ZNF804A: variants seen among roughly 807,000 people sequenced by gnomAD.
ZNF804A encodes the protein zinc finger protein 804A.
In ZNF804A, 2 loss-of-function variants were observed where a neutral mutation model predicts 16.5. That is an observed-to-expected ratio of 0.12 (90% confidence interval 0.05 to 0.38). The LOEUF (loss-of-function observed/expected upper bound fraction) is 0.38. Ranked by LOEUF, ZNF804A falls within the 10% of genes least tolerant of loss-of-function variation. The pLI is 0.99. For missense variants in ZNF804A, 1,473 were observed against 1,390.7 expected (o/e 1.06, Z -0.94); for synonymous variants, 534 against 489.6 (o/e 1.09, Z -1.20).
intron 2 of ZNF804A, 38 bp downstream of exon 2, chr2:184,866,550 A>G (rs765351472): frequency 1.4e-5 from 22 of 1,573,746 alleles, no homozygotes; most frequent in East Asian, 1.4e-4. Context: ...GCATTTCTGG[A>G]CTTGTGTAAT....
chr2:184,685,512 A>G (rs1295751433), intron 1 of ZNF804A, among the ~76,000 whole-genome samples: 1 of 152,164 alleles, frequency 6.6e-6, no homozygotes, highest in South Asian at 2.1e-4. Flanking sequence ...AAAATGAGGT[A>G]TGCGGACAAT....
chr2:184,655,856 C>T (rs977881394), intron 1 of ZNF804A, among the ~76,000 whole-genome samples: 9 of 151,922 alleles, frequency 5.9e-5, no homozygotes, highest in African/African-American at 1.9e-4. Context: ...CGGTGGATGG[C>T]AACCATTGGT....
chr2:184,672,268 A>G (rs1021117873), intron 1 of ZNF804A, among the ~76,000 whole-genome samples: 2 of 152,178 alleles, frequency 1.3e-5, no homozygotes, highest in African/African-American at 4.8e-5. Flanking sequence ...TCAGAAGTTA[A>G]AAAAATAAAG....
intron 1 of ZNF804A, among the ~76,000 whole-genome samples, chr2:184,754,896 G>GGA (rs2105760419): frequency 6.6e-6 from 1 of 151,852 alleles, no homozygotes; most frequent in Non-Finnish European, 1.5e-5. Context: ...CTTTGCAGCA[G>GGA]GAGAGAGAGA....
intron 1 of ZNF804A, among the ~76,000 whole-genome samples, chr2:184,822,142 G>C (rs1429305781): frequency 6.6e-6 from 1 of 152,112 alleles, no homozygotes; most frequent in African/African-American, 2.4e-5. Flanking sequence ...ATTCACAATA[G>C]CAAAGATATG....
chr2:184,718,741 G>T (rs1309028055), intron 1 of ZNF804A, among the ~76,000 whole-genome samples: 1 of 152,164 alleles, frequency 6.6e-6, no homozygotes, highest in Non-Finnish European at 1.5e-5. Flanking sequence ...GTCTTGGGCA[G>T]TTCCAACCCT....
intron 2 of ZNF804A, among the ~76,000 whole-genome samples, chr2:184,885,728 C>G (rs919020820): frequency 6.6e-6 from 1 of 152,064 alleles, no homozygotes. Context: ...TGAGGAGGAA[C>G]CAAAGTGGAA....
intron 1 of ZNF804A, among the ~76,000 whole-genome samples, chr2:184,844,925 T>TC (rs1161999661): frequency 6.6e-6 from 1 of 152,066 alleles, no homozygotes; most frequent in Non-Finnish European, 1.5e-5. Context: ...TCCTTCATTT[T>TC]CTCCTTCCTT....
intron 1 of ZNF804A, among the ~76,000 whole-genome samples, chr2:184,616,980 A>T (rs1257193737): frequency 6.6e-6 from 1 of 152,028 alleles, no homozygotes; most frequent in African/African-American, 2.4e-5. Context: ...ATGAGAGATG[A>T]GGTCCTCCTC....
intron 1 of ZNF804A, among the ~76,000 whole-genome samples, chr2:184,831,565 G>A (rs1437298226): frequency 6.6e-6 from 1 of 152,010 alleles, no homozygotes; most frequent in Non-Finnish European, 1.5e-5. Flanking sequence ...TGGAAATTCA[G>A]AATCTCAGGC....
At chr2:184,863,680 A>G (rs1229464562) in intron 1 of ZNF804A, among the ~76,000 whole-genome samples, 1 of 152,168 alleles carries the variant, frequency 6.6e-6, no homozygotes, top group Non-Finnish European at 1.5e-5. Flanking sequence ...CTGTTGGTTT[A>G]AGATTGTCCA....
intron 2 of ZNF804A, among the ~76,000 whole-genome samples, chr2:184,878,932 CATTT>C (rs1684763196): frequency 1.3e-5 from 2 of 151,898 alleles, no homozygotes; most frequent in Admixed American, 1.3e-4. Flanking sequence ...TGGAATGGTT[CATTT>C]ATTATGCTTA....
intron 2 of ZNF804A, among the ~76,000 whole-genome samples, chr2:184,883,703 C>T (rs1000174351): frequency 1.3e-5 from 2 of 151,936 alleles, no homozygotes; most frequent in Non-Finnish European, 2.9e-5. Context: ...TAAAAAAACA[C>T]ATGATCATCT....
intron 1 of ZNF804A, among the ~76,000 whole-genome samples, chr2:184,638,026 C>G (rs1691728225): frequency 6.6e-6 from 1 of 152,058 alleles, no homozygotes; most frequent in African/African-American, 2.4e-5. Flanking sequence ...AAGAACCTTC[C>G]CCTTGTCTGA....
intron 1 of ZNF804A, among the ~76,000 whole-genome samples, chr2:184,823,130 T>TGAA (rs1405720475): frequency 6.6e-6 from 1 of 152,050 alleles, no homozygotes; most frequent in African/African-American, 2.4e-5. Context: ...TGGTATTTGG[T>TGAA]GAAGGCCTGG....
intron 1 of ZNF804A, among the ~76,000 whole-genome samples, chr2:184,690,279 T>C: frequency 6.6e-6 from 1 of 151,868 alleles, no homozygotes; most frequent in East Asian, 1.9e-4. Context: ...GTATATTTGG[T>C]GTATTATTGG....
chr2:184,845,702 A>C (rs1695501147), intron 1 of ZNF804A, among the ~76,000 whole-genome samples: 1 of 152,144 alleles, frequency 6.6e-6, no homozygotes, highest in Admixed American at 6.6e-5. Context: ...TGCCAAGGAC[A>C]TGAGAGACTC....
At position 184,936,190 on chromosome 2, in the gene ZNF804A, C is replaced by T. The variant is rs758497479; in HGVS notation, c.794C>T (p.Thr265Ile). 3 of 1,613,926 alleles carry T rather than the reference C, an allele frequency of 1.9e-6. No individual in the cohort carries two copies. Among genetic ancestry groups the T allele is most frequent in the Non-Finnish European group, 2.5e-6 (3 of 1,179,950 alleles). Residue 265 changes from threonine to isoleucine, a missense_variant, in exon 4 of 4, where the codon ACA becomes ATA. By Grantham distance (89) the Thr-to-Ile change is moderately conservative. Transcript: ENST00000302277. Reference sequence around the variant, plus strand: ...TGTCATCTTCAACAATCTTCACCAACAGATGTGCTTTTGAGTTCTGAGGAG... The same window carrying T: ...TGTCATCTTCAACAATCTTCACCAATAGATGTGCTTTTGAGTTCTGAGGAG... The part of the protein sequence containing the change: ...SACHLQQSSP[T>I]DVLLSSEEKT...
At chr2:184,785,970 G>T (rs1033198688) in intron 1 of ZNF804A, among the ~76,000 whole-genome samples, 3 of 151,956 alleles carry the variant, frequency 2.0e-5, no homozygotes, top group Admixed American at 6.6e-5. Context: ...TACTTGTTAC[G>T]TTGGGATGTA....
Sources: allele counts gnomAD v4.1 joint callset (sites outside exome capture counted in the v4.1 genomes callset), GRCh38; gene constraint gnomAD v4.1.1; transcripts MANE v1.5; gene names NCBI Gene and HGNC (gene_info 2026-07-23, HGNC 2026-07-21).